The following ZRANB1 variants were observed in gnomAD, a reference collection of about 807,000 sequenced individuals.
The protein encoded by ZRANB1 is ubiquitin thioesterase ZRANB1.
A neutral mutation model predicts 80.5 loss-of-function variants in ZRANB1; 16 were observed. The ratio of observed to expected loss-of-function variants is 0.20; its 90% CI spans 0.13 to 0.30. The LOEUF is 0.30. Among genes scored for constraint, ZRANB1 ranks in the 10% least tolerant of loss-of-function variants. The probability of loss-of-function intolerance (pLI) is 1.00; values close to 1 mark genes in which losing one functional copy is unlikely to be tolerated. For synonymous variants in ZRANB1, 291 were observed against 293.1 expected (o/e 0.99, Z 0.07); for missense variants, 576 against 862.6 (o/e 0.67, Z 4.16).
chr10:124,923,244 C>T, the ZRANB1 span, among the ~76,000 whole-genome samples: 1 of 151,430 alleles, frequency 6.6e-6, no homozygotes, highest in Non-Finnish European at 1.5e-5. Context: ...CCGAGCTACA[C>T]TCCAGCCTGG....
At chr10:124,960,121 G>A (rs1354462992) in intron 1 of ZRANB1, among the ~76,000 whole-genome samples, 2 of 152,136 alleles carry the variant, frequency 1.3e-5, no homozygotes, top group Non-Finnish European at 2.9e-5. Context: ...TGGTGAGGAT[G>A]CCTGATGGAT....
intron 1 of ZRANB1, among the ~76,000 whole-genome samples, chr10:124,949,418 T>TATATGTATATATATGTTTACACAC (rs1564957183): frequency 1.4e-5 from 2 of 143,036 alleles, no homozygotes; most frequent in African/African-American, 5.4e-5. Flanking sequence ...TATACACATA[T>TATATGTATATATATGTTTACACAC]ATATGTATAT....
the ZRANB1 span, among the ~76,000 whole-genome samples, chr10:124,924,530 C>T: frequency 6.6e-6 from 1 of 152,150 alleles, no homozygotes; most frequent in Non-Finnish European, 1.5e-5. Flanking sequence ...CTTTGTCTCT[C>T]TAGATTTGCC....
At chr10:124,922,819 T>C in the ZRANB1 span, among the ~76,000 whole-genome samples, 1 of 152,110 alleles carries the variant, frequency 6.6e-6, no homozygotes, top group East Asian at 1.9e-4. Context: ...TATTCAGCCG[T>C]GGTAAGCCAC....
At chr10:124,984,624 A>T in intron 8 of ZRANB1, 150 bp from the exon 9 acceptor site, 4 of 732,270 alleles carry the variant, frequency 5.5e-6, no homozygotes, top group Non-Finnish European at 8.6e-6. Context: ...TTTAATCACA[A>T]AACTTCCAAG....
At chr10:124,944,662 A>G (rs528686237) in intron 1 of ZRANB1, among the ~76,000 whole-genome samples, 2 of 151,760 alleles carry the variant, frequency 1.3e-5, no homozygotes, top group East Asian at 3.9e-4. Flanking sequence ...CTATTGTTTT[A>G]AATTATTATT....
chr10:124,955,528 G>A lies in ZRANB1; in HGVS notation c.815-11066G>A, dbSNP rs116468228. Among the ~76,000 whole-genome samples the A allele has an allele frequency of 5.3e-3, 803 of 152,230 alleles. 6 individuals carry two copies. Among genetic ancestry groups the A allele is most frequent in the African/African-American group, 0.019 (769 of 41,540 alleles). ...CTTTGTAGTCCTTGGCTAACTTTGC[G>A]TGATACTCTTAAGTGTGATGCGTGT... is the stretch of plus-strand genomic sequence containing the variant. On this transcript the variant is annotated intron_variant, in intron 1 of 8. Coordinates refer to ENST00000359653, the MANE Select transcript of ZRANB1 (RefSeq NM_017580.3).
At chr10:124,955,277 G>T (rs1464577392) in intron 1 of ZRANB1, among the ~76,000 whole-genome samples, 6 of 150,550 alleles carry the variant, frequency 4.0e-5, no homozygotes, top group Admixed American at 3.3e-4. Context: ...ACTGTGTTGC[G>T]CAGGCTAGAG....
intron 2 of ZRANB1, among the ~76,000 whole-genome samples, chr10:124,970,630 A>T (rs1335667245): frequency 2.6e-5 from 4 of 152,142 alleles, no homozygotes; most frequent in African/African-American, 9.7e-5. Context: ...TATTTCTTTA[A>T]TAGCAATAGC....
At chr10:124,969,939 A>G (rs1951808005) in intron 2 of ZRANB1, among the ~76,000 whole-genome samples, 1 of 152,074 alleles carries the variant, frequency 6.6e-6, no homozygotes, top group Non-Finnish European at 1.5e-5. Flanking sequence ...TTGGGGGCTA[A>G]GTTTCTTTTA....
the ZRANB1 span, among the ~76,000 whole-genome samples, chr10:124,927,510 T>G: frequency 1.2e-3 from 185 of 152,332 alleles, no homozygotes; most frequent in Non-Finnish European, 2.3e-3. Context: ...TAAAGTTTAT[T>G]TTTAAACGGG....
At chr10:124,980,100 C>T (rs1334526418) in intron 5 of ZRANB1, among the ~76,000 whole-genome samples, 1 of 152,142 alleles carries the variant, frequency 6.6e-6, no homozygotes. Context: ...TGCATTGAAT[C>T]TGTAGATTTA....
chr10:124,980,781 TC>T (rs941692598), intron 5 of ZRANB1, among the ~76,000 whole-genome samples: 7 of 152,082 alleles, frequency 4.6e-5, no homozygotes, highest in African/African-American at 1.4e-4. Flanking sequence ...ACTTTTTTTT[TC>T]CCCCCGCAAT....
intron 1 of ZRANB1, among the ~76,000 whole-genome samples, chr10:124,948,638 C>G (rs541651347): frequency 2.6e-5 from 4 of 151,966 alleles, no homozygotes; most frequent in African/African-American, 9.7e-5. Flanking sequence ...CCATGACTGC[C>G]GTATCTAAAA....
At chr10:124,963,839 A>G (rs893075025) in intron 1 of ZRANB1, among the ~76,000 whole-genome samples, 1 of 152,196 alleles carries the variant, frequency 6.6e-6, no homozygotes, top group African/African-American at 2.4e-5. Flanking sequence ...GTAGCTGAAA[A>G]TGTGCAATTC....
chr10:124,940,633 A>G (rs1393971958), upstream of ZRANB1: 3 of 878,284 alleles, frequency 3.4e-6, no homozygotes, highest in East Asian at 6.2e-5. Context: ...CACACTATAA[A>G]TGGTGTATGG....
chr10:124,975,344 ACAT>A (rs1212170838), intron 5 of ZRANB1, among the ~76,000 whole-genome samples: 1 of 152,238 alleles, frequency 6.6e-6, no homozygotes, highest in African/African-American at 2.4e-5. Flanking sequence ...TTCGTTGTAG[ACAT>A]CATGATGCTT....
rs867109215 is a variant in ZRANB1, at chr10:124,984,710, A to C, written c.1909-64A>C. On this transcript the variant is annotated intron_variant, in intron 8 of 8. Transcript: ENST00000359653. ...CATACCAGCTGTAGGTTTCCATGTC[A>C]CATTCCTACCAAGTCTCTGATCTGT... The C allele has an allele frequency of 1.2e-5, 19 of 1,524,676 alleles. No individual in the cohort carries two copies. In the Middle Eastern group the frequency reaches 1.3e-3, roughly 106 times the overall value. The allele number at this position is 1,524,676 out of a possible 1,614,324, so 94.4% of individuals were successfully genotyped here.
rs1270420959 is a variant in ZRANB1, at chr10:124,974,318, A to G, written c.1347A>G (p.Leu449=). The stretch of plus-strand genomic sequence containing the variant: ...GAGACTGCCTACTTGATTCAGTTCT[A>G]CAAGCTACCTGGGGCATCTATGACA... ...TAGDCLLDSV[L]QATWGIYDKD... The change falls in exon 5 of 9, where the codon CTA becomes CTG. Residue 449 remains leucine, a synonymous_variant. Coordinates refer to ENST00000359653, the MANE Select transcript of ZRANB1 (RefSeq NM_017580.3). 1 of 1,614,126 alleles carries G rather than the reference A, an allele frequency of 6.2e-7. No homozygotes were observed. Among genetic ancestry groups the G allele is most frequent in the East Asian group, 2.2e-5 (1 of 44,900 alleles).
Sources: gnomAD v4.1 joint callset for allele counts (sites outside exome capture counted in the v4.1 genomes callset) on GRCh38, gnomAD v4.1.1 for gene constraint, MANE v1.5 for transcripts, NCBI Gene and HGNC (gene_info 2026-07-23, HGNC 2026-07-21) for gene names.